Variants in CNTNAP4 observed in about 807,000 individuals in gnomAD.
CNTNAP4 encodes the protein contactin-associated protein-like 4.
Under a neutral mutation model 148.4 loss-of-function variants are expected in CNTNAP4, and 98 were observed. The observed-to-expected ratio is 0.66, with a 90% CI of 0.56 to 0.78. The LOEUF is 0.78. CNTNAP4 is among the 30% of genes least tolerant of loss of function. The probability of loss-of-function intolerance (pLI) is 0.00; values close to 1 mark genes in which losing one functional copy is unlikely to be tolerated. For missense variants in CNTNAP4, 1,935 were observed against 1,565.6 expected, an observed-to-expected ratio of 1.24 and a Z score of -3.98; for synonymous variants, 730 against 565.1, an observed-to-expected ratio of 1.29 and a Z score of -4.14.
chr16:76,480,481 C>G (rs748851153), intron 12 of CNTNAP4, among the ~76,000 whole-genome samples: 7 of 152,096 alleles, frequency 4.6e-5, no homozygotes, highest in Non-Finnish European at 8.8e-5. Context: ...GTTCATTGAT[C>G]ACGCCTGTAA....
chr16:76,291,606 C>T lies in CNTNAP4; in HGVS notation c.85+13859C>T, dbSNP rs142178020. Among the ~76,000 whole-genome samples, 13 of 152,280 alleles carry T rather than the reference C, an allele frequency of 8.5e-5. No homozygotes were observed. The East Asian group carries it at 2.5e-3, about 29-fold the overall frequency. On this transcript the variant is annotated intron_variant, in intron 1 of 23. Coordinates refer to ENST00000611870, the MANE Select transcript of CNTNAP4 (RefSeq NM_033401.5). ...ATCCCCTTCTCAAAAGTTGATTGTACAGTTTGTTTTATCTGGCACTTTCCC... is the reference window on the plus strand; with the variant it reads ...ATCCCCTTCTCAAAAGTTGATTGTATAGTTTGTTTTATCTGGCACTTTCCC...
At position 76,546,400 on chromosome 16, in the gene CNTNAP4, T is replaced by A. The variant is rs144202629; in HGVS notation, c.3442+5610T>A. 2.5e-3 allele frequency among the ~76,000 whole-genome samples: 386 copies of A among 152,276 alleles called. 3 individuals are homozygous for A. The highest frequency in any genetic ancestry group is 8.9e-3 in the African/African-American group (369 of 41,556). Reference sequence around the variant, plus strand: ...ATTACCACCTGAGCTCTGCCTCCTGTCAGATCAGCCACAGCATTAGATTCT... The same window carrying A: ...ATTACCACCTGAGCTCTGCCTCCTGACAGATCAGCCACAGCATTAGATTCT... On this transcript the variant is annotated intron_variant, in intron 21 of 23. Transcript: ENST00000611870.
chr16:76,467,296 T>C, intron 9 of CNTNAP4, 56 bp from the exon 10 acceptor site: 1 of 1,481,360 alleles, frequency 6.8e-7, no homozygotes. Flanking sequence ...AAGTTATCTA[T>C]GATCCTGAAT....
At chr16:76,363,632 A>G (rs967142190) in intron 3 of CNTNAP4, among the ~76,000 whole-genome samples, 9 of 152,194 alleles carry the variant, frequency 5.9e-5, no homozygotes, top group African/African-American at 2.2e-4. Flanking sequence ...CAACAAAATG[A>G]AAAATAAACA....
chr16:76,285,803 C>G (rs1055599855), intron 1 of CNTNAP4, among the ~76,000 whole-genome samples: 1 of 151,838 alleles, frequency 6.6e-6, no homozygotes, highest in Non-Finnish European at 1.5e-5. Flanking sequence ...CACGGATAAA[C>G]TCTCCTAGCA....
chr16:76,300,798 T>C (rs1185574247), intron 1 of CNTNAP4, among the ~76,000 whole-genome samples: 1 of 152,186 alleles, frequency 6.6e-6, no homozygotes, highest in Non-Finnish European at 1.5e-5. Flanking sequence ...CAATTTATTT[T>C]ATTCATGTCT....
chr16:76,364,360 G>C (rs1056827355), intron 3 of CNTNAP4, among the ~76,000 whole-genome samples: 2 of 150,502 alleles, frequency 1.3e-5, no homozygotes, highest in African/African-American at 4.9e-5. Context: ...GGATCTGTTT[G>C]TAAGCAAGCA....
At chr16:76,530,118 C>G (rs146004725) in intron 17 of CNTNAP4, among the ~76,000 whole-genome samples, 175 of 152,004 alleles carry the variant, frequency 1.2e-3, no homozygotes, top group Middle Eastern at 0.01. Flanking sequence ...ATTATAAGAT[C>G]TTCGACCTCT....
At chr16:76,531,884 C>T (rs1256852758) in intron 17 of CNTNAP4, among the ~76,000 whole-genome samples, 5 of 152,096 alleles carry the variant, frequency 3.3e-5, no homozygotes, top group Non-Finnish European at 5.9e-5. Context: ...AGGTAAATAA[C>T]GAAAGTACAG....
chr16:76,385,521 A>G (rs1446033307), intron 3 of CNTNAP4, among the ~76,000 whole-genome samples: 1 of 151,316 alleles, frequency 6.6e-6, no homozygotes, highest in South Asian at 2.1e-4. Context: ...TCTCATATTT[A>G]TACAAAAATT....
intron 1 of CNTNAP4, among the ~76,000 whole-genome samples, chr16:76,296,245 A>C (rs1051855917): frequency 2.0e-4 from 31 of 152,312 alleles, no homozygotes; most frequent in African/African-American, 7.5e-4. Flanking sequence ...TCCTGAATTG[A>C]AGGTTTCATA....
chr16:76,421,859 G>A (rs2079201750), intron 3 of CNTNAP4, among the ~76,000 whole-genome samples: 1 of 152,104 alleles, frequency 6.6e-6, no homozygotes, highest in Non-Finnish European at 1.5e-5. Context: ...GATGGAGCTG[G>A]ACTGATTTCT....
chr16:76,553,356 G>C lies in CNTNAP4; in HGVS notation c.3516G>C (p.Gln1172His). 1 of 1,612,738 alleles carries C rather than the reference G, an allele frequency of 6.2e-7. No individual in the cohort carries two copies. The highest frequency in any genetic ancestry group is 2.2e-5 in the East Asian group (1 of 44,826). The stretch of plus-strand genomic sequence containing the variant: ...TCACAGGCTGCCTCTCTGCAGTGCA[G>C]CTCAGCCACGTGGCCCCTCTGAAGG... The part of the protein sequence containing the change: ...QGFTGCLSAV[Q>H]LSHVAPLKAA... Residue 1172 changes from glutamine to histidine, a missense_variant, in exon 22 of 24, where the codon CAG becomes CAC. Transcript: ENST00000611870.
intron 4 of CNTNAP4, among the ~76,000 whole-genome samples, chr16:76,435,931 C>A (rs2079807756): frequency 6.6e-6 from 1 of 152,112 alleles, no homozygotes; most frequent in Admixed American, 6.6e-5. Context: ...CCTTAATATC[C>A]ATTCCCATCC....
chr16:76,519,636 T>C (rs1411281882), intron 15 of CNTNAP4, among the ~76,000 whole-genome samples: 3 of 152,220 alleles, frequency 2.0e-5, no homozygotes, highest in Non-Finnish European at 4.4e-5. Context: ...CCTGACTTGA[T>C]ATTTTACATT....
At chr16:76,412,674 T>C (rs2078839972) in intron 3 of CNTNAP4, among the ~76,000 whole-genome samples, 1 of 151,120 alleles carries the variant, frequency 6.6e-6, no homozygotes, top group African/African-American at 2.4e-5. Flanking sequence ...TAAATACTTT[T>C]TTCTCTTTTT....
At chr16:76,317,604 G>T (rs776772761) in intron 2 of CNTNAP4, among the ~76,000 whole-genome samples, 1 of 152,090 alleles carries the variant, frequency 6.6e-6, no homozygotes, top group East Asian at 1.9e-4. Context: ...TCCTCCTCTC[G>T]TGGCAACATC....
intron 2 of CNTNAP4, among the ~76,000 whole-genome samples, chr16:76,329,555 G>C (rs1454250498): frequency 6.6e-6 from 1 of 152,070 alleles, no homozygotes; most frequent in Non-Finnish European, 1.5e-5. Context: ...TTTTTATAAA[G>C]TCTTTCTTTC....
intron 2 of CNTNAP4, among the ~76,000 whole-genome samples, chr16:76,353,112 A>G (rs192390895): frequency 6.6e-6 from 1 of 152,340 alleles, no homozygotes; most frequent in African/African-American, 2.4e-5. Flanking sequence ...GTCAAAACGC[A>G]TAAACAAAAC....
Sources: gnomAD v4.1 joint callset for allele counts (sites outside exome capture counted in the v4.1 genomes callset) on GRCh38, gnomAD v4.1.1 for gene constraint, MANE v1.5 for transcripts, NCBI Gene and HGNC (gene_info 2026-07-23, HGNC 2026-07-21) for gene names.